LRPPRC: variants seen among roughly 807,000 people sequenced by gnomAD.
The protein encoded by LRPPRC is leucine rich pentatricopeptide repeat containing.
Under a neutral mutation model 180.3 loss-of-function variants are expected in LRPPRC, and 120 were observed. That is an observed-to-expected ratio of 0.67 (90% CI 0.57 to 0.77). The LOEUF (loss-of-function observed/expected upper bound fraction) is 0.77, where lower values mean the gene tolerates loss of function less well. LRPPRC is among the 30% of genes least tolerant of loss of function. The probability of loss-of-function intolerance (pLI) is 0.00; values close to 1 mark genes in which losing one functional copy is unlikely to be tolerated. For synonymous variants in LRPPRC, 723 were observed against 600.0 expected (o/e 1.21, Z -3.00); for missense variants, 2,012 against 1,657.2 (o/e 1.21, Z -3.72).
intron 17 of LRPPRC, 43 bp downstream of exon 17, chr2:43,948,369 G>A: frequency 2.5e-6 from 3 of 1,193,514 alleles, no homozygotes; most frequent in Non-Finnish European, 2.5e-6. Context: ...ATAGATACAT[G>A]TCAGGCAGGA....
At chr2:43,916,298 T>C (rs988555162) in intron 29 of LRPPRC, among the ~76,000 whole-genome samples, 1 of 152,134 alleles carries the variant, frequency 6.6e-6, no homozygotes, top group Non-Finnish European at 1.5e-5. Context: ...AAGAGTAATA[T>C]ATGATTCTGG....
chr2:43,925,398 T>C (rs1013028018), intron 26 of LRPPRC, among the ~76,000 whole-genome samples: 4 of 152,196 alleles, frequency 2.6e-5, no homozygotes, highest in African/African-American at 9.7e-5. Flanking sequence ...TTTAAAAAAA[T>C]TTGGAGTCAA....
chr2:43,976,548 T>C (rs1285965779), intron 5 of LRPPRC, among the ~76,000 whole-genome samples: 1 of 152,160 alleles, frequency 6.6e-6, no homozygotes, highest in Non-Finnish European at 1.5e-5. Context: ...AAAATGAAAT[T>C]ATGTATTCCA....
In LRPPRC at chr2:43,957,460, G is replaced by T; in HGVS notation, c.1583-9C>A. 6.2e-7 allele frequency: 1 copy of T among 1,604,808 alleles called. No homozygotes were observed. Among genetic ancestry groups the T allele is most frequent in the South Asian group, 1.1e-5 (1 of 90,894 alleles). On this transcript the variant is annotated splice_polypyrimidine_tract_variant and intron_variant, in intron 13 of 37. Transcript: ENST00000260665. ...CAATGTATTTGATTTCACTGCAAAA[G>T]AAAATGACCATCATTAAATCTCAGA...
intron 12 of LRPPRC, among the ~76,000 whole-genome samples, chr2:43,961,851 C>A (rs1412306578): frequency 6.6e-6 from 1 of 152,158 alleles, no homozygotes; most frequent in African/African-American, 2.4e-5. Context: ...ATCCCAGCTA[C>A]TTGGGAGGCT....
intron 15 of LRPPRC, 42 bp downstream of exon 15, chr2:43,950,531 C>G (rs755250863): frequency 6.4e-7 from 1 of 1,556,128 alleles, no homozygotes; most frequent in Non-Finnish European, 8.9e-7. Context: ...TGGCTTGTAA[C>G]GTTAAAAGCA....
intron 9 of LRPPRC, 102 bp downstream of exon 9, chr2:43,974,048 T>G (rs373481469): frequency 1.3e-5 from 17 of 1,275,190 alleles, no homozygotes; most frequent in African/African-American, 1.3e-4. Flanking sequence ...AACATTGTTA[T>G]GATGTTTACA....
Position 43,899,307 on chromosome 2 carries a change from T to A in LRPPRC, c.3737A>T (p.Asn1246Ile). 1 of 1,614,048 alleles carries A rather than the reference T, an allele frequency of 6.2e-7. No individual in the cohort carries two copies. The highest frequency in any genetic ancestry group is 8.5e-7 in the Non-Finnish European group (1 of 1,179,932). The change falls in exon 34 of 38, where the codon AAT becomes ATT. Residue 1246 changes from asparagine to isoleucine, a missense_variant. By Grantham distance (149) the Asn-to-Ile change is moderately radical. Coordinates refer to ENST00000260665, the MANE Select transcript of LRPPRC (RefSeq NM_133259.4). ...KISIMAERLA[N>I]QFAIYKPVTD... ...GACAGGTTTATAAATTGCAAACTGA[T>A]TGGCCAATCTCTCCGCCATGATGCT...
rs566932178 is a variant in LRPPRC, at chr2:43,918,306, C to T, written c.2989G>A (p.Ala997Thr). Residue 997 changes from alanine (A) to threonine (T), a missense_variant, in exon 28 of 38, where the codon GCA becomes ACA. Transcript: ENST00000260665. ...IPREKTLRLLAEILREGNQEV... is the reference protein window; with the variant it reads ...IPREKTLRLLTEILREGNQEV... ...TGGTTACCCTCTCTAAGGATTTCTG[C>T]TAATAATCTTAATGTCTTTTCACGA... 3.0e-5 allele frequency: 49 copies of T among 1,611,612 alleles called. 1 individual carries two copies. Among genetic ancestry groups the T allele is most frequent in the South Asian group, 5.5e-5 (5 of 91,016 alleles).
chr2:43,940,058 A>G (rs983362933), intron 23 of LRPPRC, among the ~76,000 whole-genome samples: 3 of 152,188 alleles, frequency 2.0e-5, no homozygotes, highest in Admixed American at 2.0e-4. Flanking sequence ...ATCATCCTTC[A>G]AAAAGCAATA....
chr2:43,889,122 G>A (rs368559290), intron 37 of LRPPRC, among the ~76,000 whole-genome samples: 2 of 152,000 alleles, frequency 1.3e-5, no homozygotes, highest in Middle Eastern at 3.4e-3. Context: ...CAAGACCAGC[G>A]TGGCCAACAT....
chr2:43,965,374 T>C (rs1673511883), intron 11 of LRPPRC, among the ~76,000 whole-genome samples: 1 of 152,116 alleles, frequency 6.6e-6, no homozygotes, highest in South Asian at 2.1e-4. Context: ...CCTTATCTTA[T>C]ACAATACACA....
At chr2:43,976,414 T>G (rs1483989387) in intron 5 of LRPPRC, among the ~76,000 whole-genome samples, 185 bp from the exon 6 acceptor site, 1 of 152,182 alleles carries the variant, frequency 6.6e-6, no homozygotes, top group African/African-American at 2.4e-5. Flanking sequence ...CACTCTCTAA[T>G]GTATCAACAG....
intron 14 of LRPPRC, among the ~76,000 whole-genome samples, chr2:43,951,862 C>A (rs1672917525): frequency 6.6e-6 from 1 of 152,016 alleles, no homozygotes; most frequent in Admixed American, 6.6e-5. Flanking sequence ...TTACTTTAAC[C>A]ATATATTTTT....
chr2:43,918,715 A>G (rs1388977171), intron 27 of LRPPRC, among the ~76,000 whole-genome samples: 1 of 150,888 alleles, frequency 6.6e-6, no homozygotes, highest in Non-Finnish European at 1.5e-5. Context: ...CTACTGCCGA[A>G]ATCAAAATCA....
chr2:43,899,164 A>G, intron 34 of LRPPRC, 55 bp downstream of exon 34: 1 of 1,225,124 alleles, frequency 8.2e-7, no homozygotes, highest in African/African-American at 1.5e-5. Context: ...GTAATTTCTC[A>G]ATTTACTTCT....
chr2:43,965,400 T>C (rs1045279556), intron 11 of LRPPRC, among the ~76,000 whole-genome samples: 10 of 152,110 alleles, frequency 6.6e-5, no homozygotes, highest in African/African-American at 2.2e-4. Flanking sequence ...CAACTCAAAA[T>C]AGATTAAAGA....
intron 5 of LRPPRC, 84 bp from the exon 6 acceptor site, chr2:43,976,313 C>G (rs1288309783): frequency 2.6e-6 from 2 of 774,006 alleles, no homozygotes; most frequent in Non-Finnish European, 4.6e-6. Flanking sequence ...CCTTGAGTTA[C>G]TTTTGTTTTT....
chr2:43,994,782 C>T (rs1041274167), intron 1 of LRPPRC, among the ~76,000 whole-genome samples: 1 of 152,190 alleles, frequency 6.6e-6, no homozygotes, highest in African/African-American at 2.4e-5. Context: ...ACACTTTCAC[C>T]AACTTTTCTT....
Sources: gnomAD v4.1 joint callset for allele counts (sites outside exome capture counted in the v4.1 genomes callset) on GRCh38, gnomAD v4.1.1 for gene constraint, MANE v1.5 for transcripts, NCBI Gene and HGNC (gene_info 2026-07-23, HGNC 2026-07-21) for gene names.